Variants in SNAP23 observed in about 807,000 individuals in gnomAD.
SNAP23 encodes the protein synaptosomal-associated protein 23.
In SNAP23, 11 loss-of-function variants were observed where a neutral mutation model predicts 29.0. The ratio of observed to expected loss-of-function variants is 0.38; its 90% confidence interval spans 0.24 to 0.63. The LOEUF (loss-of-function observed/expected upper bound fraction) is 0.63, where lower values mean the gene tolerates loss of function less well. Among genes scored for constraint, SNAP23 ranks in the 20% least tolerant of loss-of-function variants. The pLI is 0.58. For missense variants in SNAP23, 220 were observed against 253.9 expected, an observed-to-expected ratio of 0.87 and a Z score of 0.91; for synonymous variants, 60 against 82.9, an observed-to-expected ratio of 0.72 and a Z score of 1.50.
chr15:42,532,202 C>T lies in SNAP23; in HGVS notation c.*724C>T, dbSNP rs1032033928. Reference sequence around the variant, plus strand: ...CGCCTCCCTGGTTCAAGCAATTCTCCTGCCTTGCCTCCTGAGTAGCTGGGA... The same window carrying T: ...CGCCTCCCTGGTTCAAGCAATTCTCTTGCCTTGCCTCCTGAGTAGCTGGGA... On this transcript the variant is annotated 3_prime_UTR_variant, in exon 8 of 8. Transcript: ENST00000249647. 5 of 152,234 alleles carry T rather than the reference C, an allele frequency of 3.3e-5. No individual in the cohort carries two copies. The highest frequency in any genetic ancestry group is 5.9e-5 in the Non-Finnish European group (4 of 68,120). 9.4% of individuals were successfully genotyped at this position (152,234 alleles called of 1,614,324 possible).
chr15:42,525,367 CA>C (rs1208171591), intron 5 of SNAP23, among the ~76,000 whole-genome samples: 2,426 of 60,360 alleles, frequency 0.04, 21 homozygotes, highest in South Asian at 0.059. Flanking sequence ...GACTCCGTCT[CA>C]AAAAAAAAAA....
upstream of SNAP23, among the ~76,000 whole-genome samples, chr15:42,493,352 CTCTA>C (rs903431317): frequency 5.4e-5 from 8 of 148,460 alleles, no homozygotes; most frequent in African/African-American, 1.7e-4. Context: ...CTCTCTCTCT[CTCTA>C]TATATATATA....
intron 1 of SNAP23, among the ~76,000 whole-genome samples, chr15:42,502,026 CTTTT>C (rs767749240): frequency 7.5e-6 from 1 of 132,456 alleles, no homozygotes. Flanking sequence ...TATATTCTCT[CTTTT>C]TTTTTTTTTT....
intron 5 of SNAP23, among the ~76,000 whole-genome samples, chr15:42,518,290 T>C (rs2141536046): frequency 6.6e-6 from 1 of 152,288 alleles, no homozygotes; most frequent in Non-Finnish European, 1.5e-5. Context: ...TGAATAACCA[T>C]AACATGAGCT....
chr15:42,511,404 TA>T (rs2057357052), intron 1 of SNAP23, among the ~76,000 whole-genome samples: 1 of 152,242 alleles, frequency 6.6e-6, no homozygotes, highest in South Asian at 2.1e-4. Flanking sequence ...TTCAGGCACA[TA>T]ACTTCAAATT....
chr15:42,514,767 A>G (rs536373804), intron 4 of SNAP23, among the ~76,000 whole-genome samples: 24 of 150,484 alleles, frequency 1.6e-4, no homozygotes, highest in African/African-American at 5.1e-4. Flanking sequence ...CAGTGGTGCA[A>G]TCGCAGCTCA....
In SNAP23 at chr15:42,510,135, T is replaced by TTTTG. The variant is rs1223060470; in HGVS notation, c.-14-1686_-14-1683dup. Among the ~76,000 whole-genome samples the TTTTG allele has an allele frequency of 2.0e-5, 3 of 152,018 alleles. No individual in the cohort carries two copies. The East Asian group carries it at 5.8e-4, about 29-fold the overall frequency. On this transcript the variant is annotated intron_variant, in intron 1 of 7. Coordinates refer to ENST00000249647, the MANE Select transcript of SNAP23 (RefSeq NM_003825.4). ...AAAACAACTGAAAAGATTTAAATTT[T>TTTTG]TTTGTTTGTTTGTTTTTTGAGATAG...
At chr15:42,517,001 C>A (rs1034953473) in intron 5 of SNAP23, among the ~76,000 whole-genome samples, 3 of 152,060 alleles carry the variant, frequency 2.0e-5, no homozygotes, top group Admixed American at 1.3e-4. Flanking sequence ...CTCACTGCAA[C>A]TTCCACCTCA....
At position 42,531,639 on chromosome 15, in the gene SNAP23, C is replaced by A; in HGVS notation, c.*161C>A. The A allele has an allele frequency of 2.0e-6, 1 of 491,844 alleles. No homozygotes were observed. Among genetic ancestry groups the A allele is most frequent in the South Asian group, 3.7e-5 (1 of 26,758 alleles). 30.5% of individuals were successfully genotyped at this position (491,844 alleles called of 1,614,324 possible). A position where few individuals can be genotyped will look rare whatever the true frequency, so the allele number is the denominator to read the frequency against. ...TACAGCCCTCCTTCTTTTTTGTTTTCTGTTGAGGGCCGACTGCTGCTCTGC... is the reference window on the plus strand; with the variant it reads ...TACAGCCCTCCTTCTTTTTTGTTTTATGTTGAGGGCCGACTGCTGCTCTGC... On this transcript the variant is annotated 3_prime_UTR_variant, in exon 8 of 8. Transcript: ENST00000249647.
intron 6 of SNAP23, 135 bp downstream of exon 6, chr15:42,528,555 A>G (rs925079716): frequency 7.8e-6 from 7 of 899,668 alleles, no homozygotes; most frequent in African/African-American, 3.4e-5. Context: ...GCATTTAAAA[A>G]TCTGCCCACT....
At chr15:42,529,629 T>C in intron 6 of SNAP23, 46 bp from the exon 7 acceptor site, 2 of 1,590,762 alleles carry the variant, frequency 1.3e-6, no homozygotes, top group Non-Finnish European at 8.5e-7. Flanking sequence ...CAGACTTTTA[T>C]TTAAATTCAA....
chr15:42,520,763 G>A (rs2057442353), intron 5 of SNAP23, among the ~76,000 whole-genome samples: 1 of 152,180 alleles, frequency 6.6e-6, no homozygotes, highest in Non-Finnish European at 1.5e-5. Context: ...CAAAGTGTTG[G>A]GATTACAGGC....
chr15:42,526,251 T>C (rs535902976), intron 5 of SNAP23, among the ~76,000 whole-genome samples: 42 of 152,338 alleles, frequency 2.8e-4, no homozygotes, highest in African/African-American at 1.0e-3. Context: ...TTTCTTATTA[T>C]TAACAAAGAA....
intron 1 of SNAP23, among the ~76,000 whole-genome samples, chr15:42,498,600 T>C (rs764924209): frequency 5.9e-5 from 9 of 152,200 alleles, no homozygotes; most frequent in African/African-American, 1.7e-4. Flanking sequence ...ATCTCTGATA[T>C]GCCCTGGAGA....
chr15:42,505,622 C>G (rs1168414987), intron 1 of SNAP23: 1 of 140,270 alleles, frequency 7.1e-6, no homozygotes, highest in Non-Finnish European at 1.5e-5. Flanking sequence ...GTGGCATGAT[C>G]TCGGCTCACT....
intron 3 of SNAP23, 44 bp downstream of exon 3, chr15:42,513,040 G>T: frequency 1.5e-6 from 2 of 1,350,790 alleles, no homozygotes; most frequent in South Asian, 1.2e-5. Flanking sequence ...AAATTTATAG[G>T]AGCGATCCTA....
chr15:42,498,660 C>T (rs147294644), intron 1 of SNAP23, among the ~76,000 whole-genome samples: 157 of 152,304 alleles, frequency 1.0e-3, no homozygotes, highest in African/African-American at 3.7e-3. Flanking sequence ...TGTTACTTAA[C>T]GCAAATTTCT....
At chr15:42,527,053 G>C (rs1268848707) in intron 5 of SNAP23, among the ~76,000 whole-genome samples, 1 of 152,106 alleles carries the variant, frequency 6.6e-6, no homozygotes, top group Non-Finnish European at 1.5e-5. Flanking sequence ...GCCCAGGCTG[G>C]TCTTGAACTC....
intron 1 of SNAP23, among the ~76,000 whole-genome samples, chr15:42,509,202 A>G (rs2057339290): frequency 6.6e-6 from 1 of 152,120 alleles, no homozygotes; most frequent in Non-Finnish European, 1.5e-5. Flanking sequence ...GAGGAACAGT[A>G]GCATGGACAT....
Sources: allele counts gnomAD v4.1 joint callset (sites outside exome capture counted in the v4.1 genomes callset), GRCh38; gene constraint gnomAD v4.1.1; transcripts MANE v1.5; gene names NCBI Gene and HGNC (gene_info 2026-07-23, HGNC 2026-07-21).